Variants in PTPRK observed in about 807,000 individuals in gnomAD.
The protein encoded by PTPRK is protein tyrosine phosphatase receptor type K.
In PTPRK, 75 loss-of-function variants were observed where a neutral mutation model predicts 178.0. The observed-to-expected ratio is 0.42, with a 90% CI of 0.35 to 0.51. PTPRK has a LOEUF of 0.51. Ranked by LOEUF, PTPRK falls within the 20% of genes least tolerant of loss-of-function variation. PTPRK has a pLI of 0.02. For synonymous variants in PTPRK, 637 were observed against 620.6 expected (o/e 1.03, Z -0.39); for missense variants, 1,441 against 1,797.8 (o/e 0.80, Z 3.59).
chr6:128,190,775 A>G (rs899659827), intron 6 of PTPRK, among the ~76,000 whole-genome samples: 1 of 152,162 alleles, frequency 6.6e-6, no homozygotes, highest in Non-Finnish European at 1.5e-5. Context: ...CTGGGATTAC[A>G]GTTGTGAGCC....
chr6:128,439,586 A>G (rs750926920), intron 1 of PTPRK, among the ~76,000 whole-genome samples: 19 of 152,234 alleles, frequency 1.2e-4, no homozygotes, highest in Non-Finnish European at 2.6e-4. Flanking sequence ...AGAAAGTATC[A>G]CAAAAACAGT....
intron 2 of PTPRK, among the ~76,000 whole-genome samples, chr6:128,383,069 T>A (rs1838174376): frequency 6.6e-6 from 1 of 152,124 alleles, no homozygotes; most frequent in Non-Finnish European, 1.5e-5. Flanking sequence ...CAATTTTGAG[T>A]CAAAGAGAAC....
chr6:128,304,418 A>C, intron 3 of PTPRK, among the ~76,000 whole-genome samples: 1 of 152,222 alleles, frequency 6.6e-6, no homozygotes, highest in East Asian at 1.9e-4. Flanking sequence ...GGATAAAAAT[A>C]CACAAAACAC....
intron 1 of PTPRK, among the ~76,000 whole-genome samples, chr6:128,405,799 C>T (rs1841581802): frequency 6.6e-6 from 1 of 151,734 alleles, no homozygotes; most frequent in Non-Finnish European, 1.5e-5. Flanking sequence ...ATTCCGTGAC[C>T]CAACCTCCTA....
intron 13 of PTPRK, among the ~76,000 whole-genome samples, chr6:128,047,140 C>CT (rs1778166740): frequency 6.6e-6 from 1 of 152,092 alleles, no homozygotes; most frequent in African/African-American, 2.4e-5. Flanking sequence ...GCTGGTATGT[C>CT]TTATGCATTT....
chr6:128,068,485 G>A (rs1417323074), intron 11 of PTPRK, among the ~76,000 whole-genome samples: 1 of 152,078 alleles, frequency 6.6e-6, no homozygotes, highest in Non-Finnish European at 1.5e-5. Flanking sequence ...GCCTATTAAA[G>A]CTCTAACCTA....
intron 15 of PTPRK, chr6:128,000,424 G>A (rs1011793951): frequency 5.1e-6 from 4 of 780,540 alleles, no homozygotes; most frequent in South Asian, 2.4e-5. Flanking sequence ...CTCTTATTAA[G>A]CTGAATGCTC....
At chr6:128,292,633 C>T (rs1823579994) in intron 3 of PTPRK, among the ~76,000 whole-genome samples, 1 of 152,014 alleles carries the variant, frequency 6.6e-6, no homozygotes, top group African/African-American at 2.4e-5. Flanking sequence ...CTGTCATGAC[C>T]TTCCTCCTCT....
At chr6:128,365,453 T>C (rs1835348160) in intron 2 of PTPRK, among the ~76,000 whole-genome samples, 1 of 152,062 alleles carries the variant, frequency 6.6e-6, no homozygotes, top group Non-Finnish European at 1.5e-5. Context: ...AGTGGTAAAA[T>C]AAAAATACTT....
At chr6:128,008,515 G>A (rs1297322643) in intron 14 of PTPRK, among the ~76,000 whole-genome samples, 1 of 150,860 alleles carries the variant, frequency 6.6e-6, no homozygotes, top group Non-Finnish European at 1.5e-5. Flanking sequence ...AATATACTTT[G>A]GTCTCCAGAG....
intron 6 of PTPRK, among the ~76,000 whole-genome samples, chr6:128,205,569 T>G (rs9482876): frequency 7.0e-4 from 106 of 151,906 alleles, no homozygotes; most frequent in African/African-American, 2.5e-3. Flanking sequence ...GTCAGGAGTT[T>G]GAGACCAAAC....
intron 3 of PTPRK, among the ~76,000 whole-genome samples, chr6:128,250,167 AC>A (rs1258360313): frequency 6.6e-6 from 1 of 152,176 alleles, no homozygotes; most frequent in Non-Finnish European, 1.5e-5. Context: ...AATCTATCAA[AC>A]CTATTTTTCT....
In PTPRK at chr6:128,495,185, G is replaced by A. The variant is rs540994748; in HGVS notation, c.100+25074C>T. On this transcript the variant is annotated intron_variant, in intron 1 of 29. Transcript: ENST00000368226. ...GAATAGGCAAAGAACTTCAAAAATA[G>A]CAAAGCTTATCACTCAAGGAAGTTA... Among the ~76,000 whole-genome samples the A allele has an allele frequency of 3.3e-5, 5 of 152,228 alleles. No individual in the cohort carries two copies. The East Asian group carries it at 5.8e-4, about 18-fold the overall frequency.
chr6:128,111,628 G>T (rs573351823), intron 7 of PTPRK, among the ~76,000 whole-genome samples: 2 of 150,684 alleles, frequency 1.3e-5, no homozygotes, highest in African/African-American at 4.8e-5. Context: ...TAAGTTATAG[G>T]AACACACCTC....
At position 128,467,100 on chromosome 6, in the gene PTPRK, G is replaced by A. The variant is rs1849947846; in HGVS notation, c.100+53159C>T. Among the ~76,000 whole-genome samples the A allele has an allele frequency of 2.0e-5, 3 of 152,154 alleles. No individual in the cohort carries two copies. In the South Asian group the frequency reaches 6.2e-4, roughly 32 times the overall value. ...TCACTGCAGAGCATTGACATCCCAG[G>A]GTGATCCGCCCACCTCAGTCTCCCA... On this transcript the variant is annotated intron_variant, in intron 1 of 29. Coordinates refer to ENST00000368226, the MANE Select transcript of PTPRK (RefSeq NM_002844.4).
chr6:128,346,454 G>T (rs550646444), intron 2 of PTPRK, among the ~76,000 whole-genome samples: 1 of 152,018 alleles, frequency 6.6e-6, no homozygotes, highest in African/African-American at 2.4e-5. Context: ...ATTTTCTATA[G>T]TATGATAAAA....
chr6:128,388,867 A>G (rs1245287522), intron 2 of PTPRK, among the ~76,000 whole-genome samples: 1 of 152,230 alleles, frequency 6.6e-6, no homozygotes, highest in Non-Finnish European at 1.5e-5. Flanking sequence ...ATGGATAAAA[A>G]TTACACACTC....
At chr6:128,471,976 C>T (rs949250619) in intron 1 of PTPRK, among the ~76,000 whole-genome samples, 15 of 150,396 alleles carry the variant, frequency 1.0e-4, no homozygotes, top group Non-Finnish European at 2.2e-4. Flanking sequence ...TGAAAAAAGG[C>T]GGTTGCAGAA....
At chr6:128,470,780 G>A (rs797016242) in intron 1 of PTPRK, among the ~76,000 whole-genome samples, 9 of 117,396 alleles carry the variant, frequency 7.7e-5, no homozygotes, top group South Asian at 2.6e-4. Flanking sequence ...TAATGGCTAA[G>A]AAGCCTTTCC....
Sources: gnomAD v4.1 joint callset for allele counts (sites outside exome capture counted in the v4.1 genomes callset) on GRCh38, gnomAD v4.1.1 for gene constraint, MANE v1.5 for transcripts, NCBI Gene and HGNC (gene_info 2026-07-23, HGNC 2026-07-21) for gene names.